Variants in FAM135B observed in about 807,000 individuals in gnomAD.
The protein encoded by FAM135B is family with sequence similarity 135 member B, also known as protein FAM135B.
FAM135B carries 43 observed loss-of-function variants against 127.7 expected under a neutral mutation model. The observed-to-expected ratio is 0.34, with a 90% CI of 0.26 to 0.43. The LOEUF is 0.43. Ranked by LOEUF, FAM135B falls within the 20% of genes least tolerant of loss-of-function variation. The pLI is 1.00. For missense variants in FAM135B, 1,558 were observed against 1,725.6 expected, an observed-to-expected ratio of 0.90 and a Z score of 1.72; for synonymous variants, 670 against 665.1, an observed-to-expected ratio of 1.01 and a Z score of -0.11.
chr8:138,158,417 A>C lies in FAM135B; in HGVS notation c.1259-5201T>G, dbSNP rs540724828. 5.9e-5 allele frequency among the ~76,000 whole-genome samples: 9 copies of C among 152,346 alleles called. No individual in the cohort carries two copies. The East Asian group carries it at 1.7e-3, about 29-fold the overall frequency. ...CAAGGACTTCATGACTAAAACACCA[A>C]AAGCAATGGCAACAAAAGCCAAAAT... is the stretch of plus-strand genomic sequence containing the variant. On this transcript the variant is annotated intron_variant, in intron 12 of 19. Coordinates refer to ENST00000395297, the MANE Select transcript of FAM135B (RefSeq NM_015912.4).
chr8:138,239,277 T>C (rs1017730291), intron 7 of FAM135B, among the ~76,000 whole-genome samples: 14 of 152,332 alleles, frequency 9.2e-5, no homozygotes, highest in African/African-American at 3.1e-4. Context: ...TGGTATTTCA[T>C]TGTGGTTTTG....
intron 1 of FAM135B, among the ~76,000 whole-genome samples, chr8:138,386,741 TCAGA>T (rs1213275649): frequency 2.0e-5 from 3 of 152,210 alleles, no homozygotes; most frequent in African/African-American, 7.2e-5. Flanking sequence ...CAAAGGCTGC[TCAGA>T]CAAACACCTC....
intron 7 of FAM135B, among the ~76,000 whole-genome samples, chr8:138,225,333 T>C (rs953763694): frequency 2.0e-5 from 3 of 151,966 alleles, no homozygotes; most frequent in Non-Finnish European, 4.4e-5. Context: ...AACAAGAAGG[T>C]AGCCATCTGC....
At chr8:138,381,870 C>CG (rs1024097814) in intron 1 of FAM135B, among the ~76,000 whole-genome samples, 14 of 152,094 alleles carry the variant, frequency 9.2e-5, no homozygotes, top group Middle Eastern at 3.2e-3. Context: ...AAGCCAGTGT[C>CG]GGGGGAAGGA....
At chr8:138,231,545 C>T (rs1254640414) in intron 7 of FAM135B, among the ~76,000 whole-genome samples, 4 of 152,164 alleles carry the variant, frequency 2.6e-5, no homozygotes, top group Non-Finnish European at 5.9e-5. Flanking sequence ...TCTCTGATGA[C>T]TCCGTGCTAG....
At chr8:138,320,466 A>G (rs561341769) in intron 2 of FAM135B, among the ~76,000 whole-genome samples, 8 of 152,344 alleles carry the variant, frequency 5.3e-5, no homozygotes, top group Non-Finnish European at 1.0e-4. Context: ...CTCTTATCAC[A>G]GGGGCCCAGC....
intron 1 of FAM135B, among the ~76,000 whole-genome samples, chr8:138,456,338 TA>T (rs1836774664): frequency 6.6e-6 from 1 of 152,230 alleles, no homozygotes; most frequent in Admixed American, 6.5e-5. Context: ...TTCCTAATCC[TA>T]ATCCTTTGTA....
chr8:138,239,504 G>C (rs1475701362), intron 7 of FAM135B, among the ~76,000 whole-genome samples: 3 of 152,132 alleles, frequency 2.0e-5, no homozygotes, highest in Non-Finnish European at 4.4e-5. Flanking sequence ...CATTCTGTAG[G>C]TTGCCTGTTC....
chr8:138,402,128 G>C (rs979709717), intron 1 of FAM135B, among the ~76,000 whole-genome samples: 2 of 152,034 alleles, frequency 1.3e-5, no homozygotes, highest in Non-Finnish European at 2.9e-5. Flanking sequence ...ACAAAGAGAA[G>C]GAATAGCTGC....
intron 4 of FAM135B, among the ~76,000 whole-genome samples, chr8:138,262,682 C>T (rs184703674): frequency 1.7e-4 from 26 of 151,824 alleles, no homozygotes; most frequent in Non-Finnish European, 1.5e-4. Flanking sequence ...GGGTGGATCG[C>T]GAGGTCAGGG....
intron 1 of FAM135B, among the ~76,000 whole-genome samples, chr8:138,455,148 C>A (rs539809415): frequency 6.6e-6 from 1 of 152,294 alleles, no homozygotes; most frequent in East Asian, 1.9e-4. Context: ...AAGATTGCTT[C>A]AAATCCAACA....
chr8:138,267,691 G>A (rs1373599738), intron 3 of FAM135B, among the ~76,000 whole-genome samples: 2 of 151,982 alleles, frequency 1.3e-5, no homozygotes, highest in African/African-American at 2.4e-5. Context: ...ACCTCCCAAT[G>A]CAGTCACATC....
At chr8:138,159,248 C>T (rs866967315) in intron 12 of FAM135B, among the ~76,000 whole-genome samples, 35 of 112,470 alleles carry the variant, frequency 3.1e-4, no homozygotes, top group Middle Eastern at 0.011. Context: ...GTCTGCAGTC[C>T]GGCCTGGGCG....
chr8:138,148,738 C>T (rs773167293), intron 13 of FAM135B, 52 bp from the exon 14 acceptor site: 2 of 1,417,622 alleles, frequency 1.4e-6, no homozygotes, highest in East Asian at 2.3e-5. Context: ...TCATGTTGAA[C>T]AGGAAATGAG....
intron 7 of FAM135B, among the ~76,000 whole-genome samples, chr8:138,207,885 A>T (rs1247076049): frequency 6.6e-6 from 1 of 152,216 alleles, no homozygotes; most frequent in Non-Finnish European, 1.5e-5. Flanking sequence ...GGTAGCTGAT[A>T]GCACTGCCAT....
At chr8:138,481,094 G>A (rs138721036) in intron 1 of FAM135B, among the ~76,000 whole-genome samples, 1 of 152,204 alleles carries the variant, frequency 6.6e-6, no homozygotes, top group African/African-American at 2.4e-5. Flanking sequence ...AGTTTGAGGA[G>A]ATAGAGACCA....
intron 2 of FAM135B, among the ~76,000 whole-genome samples, chr8:138,326,987 G>C (rs955884674): frequency 6.6e-6 from 1 of 152,140 alleles, no homozygotes; most frequent in African/African-American, 2.4e-5. Flanking sequence ...GATTTGCAAA[G>C]TCTGTGCTAG....
At chr8:138,415,333 C>A (rs1235961558) in intron 1 of FAM135B, among the ~76,000 whole-genome samples, 1 of 152,184 alleles carries the variant, frequency 6.6e-6, no homozygotes, top group Non-Finnish European at 1.5e-5. Flanking sequence ...TGGCCCAGAG[C>A]AGGTGTCCTG....
intron 12 of FAM135B, among the ~76,000 whole-genome samples, chr8:138,161,219 A>G (rs917394695): frequency 9.8e-5 from 10 of 102,066 alleles, no homozygotes; most frequent in African/African-American, 3.6e-4. Context: ...ACCACAGGAA[A>G]GCTCCCAGAA....
Sources: gnomAD v4.1 joint callset for allele counts (sites outside exome capture counted in the v4.1 genomes callset) on GRCh38, gnomAD v4.1.1 for gene constraint, MANE v1.5 for transcripts, NCBI Gene and HGNC (gene_info 2026-07-23, HGNC 2026-07-21) for gene names.